Variants in MS4A3 observed in about 807,000 individuals in gnomAD.
MS4A3 encodes the protein membrane-spanning 4-domains subfamily A member 3.
A neutral mutation model predicts 24.7 loss-of-function variants in MS4A3; 18 were observed. That is an observed-to-expected ratio of 0.73 (90% CI 0.50 to 1.08). The LOEUF is 1.08. Ranked by LOEUF, MS4A3 falls within the 50% of genes least tolerant of loss-of-function variation. MS4A3 has a pLI of 0.00. For synonymous variants in MS4A3, 84 were observed against 95.3 expected, an observed-to-expected ratio of 0.88 and a Z score of 0.69; for missense variants, 282 against 251.7, an observed-to-expected ratio of 1.12 and a Z score of -0.82.
intron 5 of MS4A3, among the ~76,000 whole-genome samples, chr11:60,067,348 G>A (rs1296390): frequency 0.27 from 41,119 of 151,570 alleles, 5,767 homozygotes; most frequent in South Asian, 0.49. Flanking sequence ...CGAGTAGCTG[G>A]GACTACAGGC....
In MS4A3 at chr11:60,058,112, A is replaced by C. The variant is rs17154511; in HGVS notation, c.-16+1372A>C. Reference sequence around the variant, plus strand: ...GCTGATTAAGTGGTATGAGAAGGAAAGTTGAGGAAATTTTGAGAGCAACCC... The same window carrying C: ...GCTGATTAAGTGGTATGAGAAGGAACGTTGAGGAAATTTTGAGAGCAACCC... On this transcript the variant is annotated intron_variant, in intron 1 of 6. Transcript: ENST00000278865. Among the ~76,000 whole-genome samples the C allele has an allele frequency of 5.5e-3, 834 of 152,028 alleles. 4 individuals are homozygous for C. The highest frequency in any genetic ancestry group is 7.5e-3 in the Non-Finnish European group (507 of 67,982).
rs1460893887 is a variant in MS4A3, at chr11:60,064,293, C to G, written c.326C>G (p.Ala109Gly). The change falls in exon 4 of 7, where the codon GCA becomes GGA. Residue 109 changes from alanine (A) to glycine (G), a missense_variant. By Grantham distance (60) the Ala-to-Gly change is moderately conservative. Transcript: ENST00000278865. Reference sequence around the variant, plus strand: ...AGTTCAGGAACCTTGTCTGTTGTAGCAGGGATAAAACCCACAAGAACATGG... The same window carrying G: ...AGTTCAGGAACCTTGTCTGTTGTAGGAGGGATAAAACCCACAAGAACATGG... ...FCSSGTLSVV[A>G]GIKPTRTWIQ... 2 of 1,604,242 alleles carry G rather than the reference C, an allele frequency of 1.2e-6. No homozygotes were observed. Among genetic ancestry groups the G allele is most frequent in the Non-Finnish European group, 1.7e-6 (2 of 1,175,452 alleles).
At chr11:60,068,367 G>A (rs1443063747) in intron 5 of MS4A3, among the ~76,000 whole-genome samples, 1 of 146,754 alleles carries the variant, frequency 6.8e-6, no homozygotes, top group Non-Finnish European at 1.5e-5. Context: ...AGCCTCCCGA[G>A]TAGCTGGGAC....
chr11:60,059,460 G>A (rs1203902182), intron 1 of MS4A3, among the ~76,000 whole-genome samples: 1 of 152,086 alleles, frequency 6.6e-6, no homozygotes, highest in Non-Finnish European at 1.5e-5. Flanking sequence ...GTAAATTCGT[G>A]CCACAGGGGT....
rs1855467868 is a variant in MS4A3 at position 60,071,058 on chromosome 11, C to T, written c.*825C>T. The T allele has an allele frequency of 6.6e-6, 1 of 152,166 alleles. No individual in the cohort carries two copies. The highest frequency in any genetic ancestry group is 6.5e-5 in the Admixed American group (1 of 15,270). The allele number at this position is 152,166 out of a possible 1,614,324, so 9.4% of individuals were successfully genotyped here. On this transcript the variant is annotated 3_prime_UTR_variant, in exon 7 of 7. Transcript: ENST00000278865. ...TGTAAAATAGGTGTAATAATAACAA[C>T]TACTTTGTCGGTTGCTCTGAGGGTT... is the stretch of plus-strand genomic sequence containing the variant.
intron 4 of MS4A3, among the ~76,000 whole-genome samples, chr11:60,066,333 T>C (rs1300348371): frequency 6.6e-6 from 1 of 152,172 alleles, no homozygotes; most frequent in African/African-American, 2.4e-5. Context: ...GCCAAGTATA[T>C]CATTTATTTG....
chr11:60,069,491 TGTA>T, intron 5 of MS4A3, 80 bp from the exon 6 acceptor site: 1 of 852,704 alleles, frequency 1.2e-6, no homozygotes, highest in Non-Finnish European at 2.0e-6. Context: ...AGGGAGATGT[TGTA>T]GTCTGGTTTC....
chr11:60,063,298 A>G (rs1855306976), intron 3 of MS4A3, among the ~76,000 whole-genome samples: 1 of 152,208 alleles, frequency 6.6e-6, no homozygotes, highest in Non-Finnish European at 1.5e-5. Context: ...TTACTGTCTG[A>G]AAGTCAGAAG....
At chr11:60,070,083 G>C (rs1240144915) in intron 6 of MS4A3, 121 bp from the exon 7 acceptor site, 1 of 803,428 alleles carries the variant, frequency 1.2e-6, no homozygotes, top group East Asian at 2.5e-5. Flanking sequence ...TATGGCATTT[G>C]GCACAGTAAA....
chr11:60,067,210 ATC>A lies in MS4A3; in HGVS notation c.513+100_513+101del, dbSNP rs1415222027. 69 of 836,036 alleles carry A rather than the reference ATC, an allele frequency of 8.3e-5. No homozygotes were observed. The African/African-American group carries it at 9.2e-4, about 11-fold the overall frequency. 51.8% of individuals were successfully genotyped at this position (836,036 alleles called of 1,614,324 possible). Reference sequence around the variant, plus strand: ...CAGGTACCAATGTGCCATAATTTGAATCTTTTTTTTTTTTTTTTTTGAGACGG... The same window carrying A: ...CAGGTACCAATGTGCCATAATTTGAATTTTTTTTTTTTTTTTTTGAGACGG... On this transcript the variant is annotated intron_variant, in intron 5 of 6. Transcript: ENST00000278865.
At chr11:60,059,358 AC>A (rs1365461534) in intron 1 of MS4A3, among the ~76,000 whole-genome samples, 1 of 152,134 alleles carries the variant, frequency 6.6e-6, no homozygotes, top group African/African-American at 2.4e-5. Flanking sequence ...ATAATTTGTA[AC>A]AAAGAGTAGA....
chr11:60,064,042 G>A (rs1466993561), intron 3 of MS4A3, among the ~76,000 whole-genome samples: 1 of 148,346 alleles, frequency 6.7e-6, no homozygotes, highest in Non-Finnish European at 1.5e-5. Context: ...AAAATAAAAT[G>A]AATAAAACTA....
At chr11:60,068,046 G>A (rs557320034) in intron 5 of MS4A3, among the ~76,000 whole-genome samples, 17 of 151,776 alleles carry the variant, frequency 1.1e-4, no homozygotes, top group Non-Finnish European at 2.4e-4. Context: ...GAGTGAAACT[G>A]TCTCAAAAAA....
In MS4A3 at chr11:60,067,043, G is replaced by C; in HGVS notation, c.444G>C (p.Gln148His). ...FLSLNIAVNI[Q>H]SLRSCHSSSE... ...CACTAAATATAGCAGTTAATATCCA[G>C]TCATTAAGGAGTTGTCACTCTTCAT... The change falls in exon 5 of 7, where the codon CAG (glutamine) becomes CAC (histidine). Residue 148 changes from glutamine to histidine, a missense_variant. By Grantham distance (24) the Gln-to-His change is conservative. Transcript: ENST00000278865. 5.0e-6 allele frequency: 8 copies of C among 1,613,458 alleles called. No individual in the cohort carries two copies. The highest frequency in any genetic ancestry group is 6.8e-6 in the Non-Finnish European group (8 of 1,179,830).
rs58722616 is a variant in MS4A3, at chr11:60,058,506, C to CAAAAAAAAAAAAAAAAAAAA, written c.-16+1783_-16+1802dup. On this transcript the variant is annotated intron_variant, in intron 1 of 6. Coordinates refer to ENST00000278865, the MANE Select transcript of MS4A3 (RefSeq NM_006138.5). Reference sequence around the variant, plus strand: ...TGGGAGACAGAGCAAAGCTCCAACTCAAAAAAAAAAAAAAAAAAAAAAAAA... The same window carrying CAAAAAAAAAAAAAAAAAAAA: ...TGGGAGACAGAGCAAAGCTCCAACTCAAAAAAAAAAAAAAAAAAAAAAAAAAAAAAAAAAAAAAAAAAAAA... Among the ~76,000 whole-genome samples, 5 of 17,888 alleles carry CAAAAAAAAAAAAAAAAAAAA rather than the reference C, an allele frequency of 2.8e-4. 1 individual carries two copies. The highest frequency in any genetic ancestry group is 1.4e-3 in the Admixed American group (1 of 730). 11.7% of individuals were successfully genotyped at this position (17,888 alleles called of 152,430 possible).
At chr11:60,068,672 T>C (rs1353642439) in intron 5 of MS4A3, among the ~76,000 whole-genome samples, 2 of 152,202 alleles carry the variant, frequency 1.3e-5, no homozygotes, top group Non-Finnish European at 2.9e-5. Flanking sequence ...GAACTGTTAA[T>C]TACAGACTCA....
At chr11:60,057,762 G>C (rs1855196271) in intron 1 of MS4A3, among the ~76,000 whole-genome samples, 1 of 152,136 alleles carries the variant, frequency 6.6e-6, no homozygotes. Flanking sequence ...AGAAAACATA[G>C]TTTGTTTCAC....
At chr11:60,068,579 G>A (rs1399101951) in intron 5 of MS4A3, among the ~76,000 whole-genome samples, 1 of 151,860 alleles carries the variant, frequency 6.6e-6, no homozygotes, top group South Asian at 2.1e-4. Context: ...AAAAATTTGT[G>A]TTCAGGTACT....
At chr11:60,066,004 C>G (rs1378742996) in intron 4 of MS4A3, among the ~76,000 whole-genome samples, 1 of 152,158 alleles carries the variant, frequency 6.6e-6, no homozygotes, top group Non-Finnish European at 1.5e-5. Context: ...ATGTAAAGAT[C>G]CAAAGCTCAA....
Sources: gnomAD v4.1 joint callset for allele counts (sites outside exome capture counted in the v4.1 genomes callset) on GRCh38, gnomAD v4.1.1 for gene constraint, MANE v1.5 for transcripts, NCBI Gene and HGNC (gene_info 2026-07-23, HGNC 2026-07-21) for gene names.